The following ATP2C1 variants were observed in gnomAD, a reference collection of about 807,000 sequenced individuals.
ATP2C1 encodes the protein ATPase secretory pathway Ca2+ transporting 1.
Under a neutral mutation model 120.5 loss-of-function variants are expected in ATP2C1, and 31 were observed. The observed-to-expected ratio is 0.26, with a 90% CI of 0.19 to 0.35. The LOEUF (loss-of-function observed/expected upper bound fraction) is 0.35, where lower values mean the gene tolerates loss of function less well. Among genes scored for constraint, ATP2C1 ranks in the 10% least tolerant of loss-of-function variants. The probability of loss-of-function intolerance (pLI) is 1.00; values close to 1 mark genes in which losing one functional copy is unlikely to be tolerated. For synonymous variants in ATP2C1, 351 were observed against 358.7 expected (o/e 0.98, Z 0.24); for missense variants, 731 against 1,107.5 (o/e 0.66, Z 4.83).
chr3:130,908,413 G>A (rs2108077636), intron 2 of ATP2C1, among the ~76,000 whole-genome samples: 1 of 151,956 alleles, frequency 6.6e-6, no homozygotes, highest in South Asian at 2.1e-4. Flanking sequence ...AAGGTGACAT[G>A]GAGTCCAAGA....
intron 8 of ATP2C1, among the ~76,000 whole-genome samples, chr3:130,945,124 C>T (rs1022074482): frequency 1.3e-5 from 2 of 152,066 alleles, no homozygotes; most frequent in African/African-American, 2.4e-5. Context: ...CCAGCAGGAG[C>T]CTGAGAGGCA....
At chr3:130,945,783 C>A (rs1576828379) in intron 8 of ATP2C1, among the ~76,000 whole-genome samples, 1 of 152,032 alleles carries the variant, frequency 6.6e-6, no homozygotes. Context: ...TATGTTTTGC[C>A]TTTGTGAAAA....
rs563328143 is a variant in ATP2C1 at position 130,867,390 on chromosome 3, G to A, written c.108+16462G>A. Reference sequence around the variant, plus strand: ...AGCTGGATGGTACTGCTGCCATCTCGGCTCACTGCAACCTCCCTGCCTGAT... The same window carrying A: ...AGCTGGATGGTACTGCTGCCATCTCAGCTCACTGCAACCTCCCTGCCTGAT... On this transcript the variant is annotated intron_variant, in intron 1 of 26. Coordinates refer to the ATP2C1 transcript ENST00000504381. Among the ~76,000 whole-genome samples, 5 of 145,962 alleles carry A rather than the reference G, an allele frequency of 3.4e-5. No homozygotes were observed. In the South Asian group the frequency reaches 9.0e-4, roughly 26 times the overall value.
intron 6 of ATP2C1, among the ~76,000 whole-genome samples, chr3:130,938,469 G>C (rs2108422451): frequency 6.6e-6 from 1 of 152,262 alleles, no homozygotes; most frequent in Non-Finnish European, 1.5e-5. Context: ...GGTATTTCTT[G>C]TCACTATCCC....
intron 2 of ATP2C1, chr3:130,930,068 A>C (rs2059388094): frequency 5.6e-6 from 2 of 356,402 alleles, no homozygotes; most frequent in African/African-American, 2.1e-5. Context: ...AAACGTAATG[A>C]GTTTAGAGGA....
chr3:130,926,959 A>G (rs1242728244), intron 2 of ATP2C1, among the ~76,000 whole-genome samples: 2 of 152,210 alleles, frequency 1.3e-5, no homozygotes, highest in African/African-American at 4.8e-5. Flanking sequence ...ACGGATGTAC[A>G]TATTTCACTG....
intron 2 of ATP2C1, among the ~76,000 whole-genome samples, chr3:130,904,432 G>A (rs2058031982): frequency 1.3e-5 from 2 of 151,816 alleles, no homozygotes; most frequent in Admixed American, 1.3e-4. Flanking sequence ...TCAATATGGG[G>A]TTGTCAGATC....
intron 8 of ATP2C1, among the ~76,000 whole-genome samples, chr3:130,950,324 A>G (rs2060318019): frequency 6.6e-6 from 1 of 152,098 alleles, no homozygotes; most frequent in African/African-American, 2.4e-5. Context: ...GTTCATTAAC[A>G]GGTCTTCTGA....
At chr3:130,945,897 G>T (rs1441893792) in intron 8 of ATP2C1, among the ~76,000 whole-genome samples, 2 of 147,932 alleles carry the variant, frequency 1.4e-5, no homozygotes, top group Non-Finnish European at 3.0e-5. Context: ...GAAAAAGGTT[G>T]TGGGTTTTTT....
chr3:130,881,329 C>T (rs984522079), intron 1 of ATP2C1, among the ~76,000 whole-genome samples: 5 of 151,112 alleles, frequency 3.3e-5, no homozygotes, highest in African/African-American at 1.2e-4. Flanking sequence ...ACCTCCTTTT[C>T]TTTTTCTTCT....
intron 1 of ATP2C1, chr3:130,869,399 G>C (rs1194694361): frequency 1.7e-5 from 2 of 118,002 alleles, no homozygotes; most frequent in Non-Finnish European, 3.2e-5. Flanking sequence ...CCCCCTCTGC[G>C]AGAAACACCC....
chr3:131,015,255 G>A (rs765364699), intron 26 of ATP2C1: 9 of 700,540 alleles, frequency 1.3e-5, no homozygotes, highest in South Asian at 1.2e-4. Context: ...AAGGCACTGG[G>A]GCTGCAACAG....
chr3:130,895,609 T>C (rs564503247), intron 2 of ATP2C1, among the ~76,000 whole-genome samples: 1 of 152,198 alleles, frequency 6.6e-6, no homozygotes, highest in Non-Finnish European at 1.5e-5. Context: ...CAAAATACTA[T>C]AAAAGATACT....
chr3:130,882,285 C>T (rs1182889858), intron 1 of ATP2C1, among the ~76,000 whole-genome samples: 2 of 151,950 alleles, frequency 1.3e-5, no homozygotes, highest in Non-Finnish European at 2.9e-5. Flanking sequence ...ACAACCTCCA[C>T]CTCCTGGGTT....
Position 130,906,162 on chromosome 3 carries a change from T to G in ATP2C1, c.6+11387T>G, listed in dbSNP as rs556989841. ...GTGGTTTTTAGTATAGTCACAAAAT[T>G]GTATATTGATATAATTCTAGAACAT... On this transcript the variant is annotated intron_variant, in intron 2 of 27. Transcript: ENST00000510168. Among the ~76,000 whole-genome samples, 20 of 152,160 alleles carry G rather than the reference T, an allele frequency of 1.3e-4. No homozygotes were observed. In the South Asian group the frequency reaches 1.7e-3, roughly 13 times the overall value.
intron 27 of ATP2C1, 80 bp downstream of exon 27, chr3:130,999,739 T>C: frequency 7.5e-7 from 1 of 1,331,262 alleles, no homozygotes; most frequent in South Asian, 1.3e-5. Context: ...ATTTTAAAAT[T>C]CTTTTAAAAT....
intron 1 of ATP2C1, among the ~76,000 whole-genome samples, chr3:130,862,821 T>C (rs2068059328): frequency 6.6e-6 from 1 of 152,228 alleles, no homozygotes; most frequent in African/African-American, 2.4e-5. Flanking sequence ...CCATCTCAAC[T>C]TTCTTTGAGC....
At chr3:131,014,367 A>C (rs758324286) in intron 26 of ATP2C1, 1 of 1,602,512 alleles carries the variant, frequency 6.2e-7, no homozygotes. Flanking sequence ...TAGTCCGTGC[A>C]CCAGGCTTCC....
chr3:130,903,627 C>T (rs2057971623), intron 2 of ATP2C1, among the ~76,000 whole-genome samples: 1 of 149,480 alleles, frequency 6.7e-6, no homozygotes, highest in Non-Finnish European at 1.5e-5. Context: ...CCCTCCCTCC[C>T]TTCTTTCCTT....
Sources: allele counts gnomAD v4.1 joint callset (sites outside exome capture counted in the v4.1 genomes callset), GRCh38; gene constraint gnomAD v4.1.1; transcripts MANE v1.5; gene names NCBI Gene and HGNC (gene_info 2026-07-23, HGNC 2026-07-21).